Variants in AJAP1 observed in about 807,000 individuals in gnomAD.
AJAP1 encodes adherens junctions associated protein 1.
Under a neutral mutation model 35.0 loss-of-function variants are expected in AJAP1, and 5 were observed. That is an observed-to-expected ratio of 0.14 (90% CI 0.07 to 0.30). The LOEUF (loss-of-function observed/expected upper bound fraction) is 0.30, where lower values mean the gene tolerates loss of function less well. Among genes scored for constraint, AJAP1 ranks in the 10% least tolerant of loss-of-function variants. AJAP1 has a pLI of 1.00. For missense variants in AJAP1, 586 were observed against 571.0 expected, an observed-to-expected ratio of 1.03 and a Z score of -0.27; for synonymous variants, 284 against 249.3, an observed-to-expected ratio of 1.14 and a Z score of -1.31.
chr1:4,725,922 G>T (rs1309459310), intron 2 of AJAP1, among the ~76,000 whole-genome samples: 1 of 152,144 alleles, frequency 6.6e-6, no homozygotes, highest in Non-Finnish European at 1.5e-5. Context: ...TTCTTTAAAG[G>T]CTCTATCTCC....
chr1:4,771,070 G>A (rs395508), intron 3 of AJAP1, among the ~76,000 whole-genome samples: 109,395 of 151,704 alleles, frequency 0.72, 40,051 homozygotes, highest in Non-Finnish European at 0.78. Context: ...CATCTCCCCA[G>A]AGACAGGGGA....
At chr1:4,706,829 TC>T (rs754416837) in intron 1 of AJAP1, among the ~76,000 whole-genome samples, 37 of 152,292 alleles carry the variant, frequency 2.4e-4, no homozygotes, top group South Asian at 2.1e-3. Context: ...AAACTGTTCT[TC>T]GGGAAAAAAG....
At position 4,783,100 on chromosome 1, in the gene AJAP1, A is replaced by T. The variant is rs1262499637; in HGVS notation, c.*615A>T. On this transcript the variant is annotated 3_prime_UTR_variant, in exon 6 of 6. Transcript: ENST00000378191. ...TGAAGATCTTAAATGTTCCTTTTTA[A>T]AAAAAAGAATTGTGTTATAGGTTAC... 1 of 349,518 alleles carries T rather than the reference A, an allele frequency of 2.9e-6. No individual in the cohort carries two copies. 21.7% of individuals were successfully genotyped at this position (349,518 alleles called of 1,614,324 possible).
intron 1 of AJAP1, among the ~76,000 whole-genome samples, chr1:4,662,343 G>A (rs1479937324): frequency 1.3e-5 from 2 of 152,174 alleles, no homozygotes; most frequent in Non-Finnish European, 2.9e-5. Context: ...CCTCCAGCAT[G>A]TGGTCATCCT....
At chr1:4,657,307 C>G (rs893406503) in intron 1 of AJAP1, among the ~76,000 whole-genome samples, 1 of 152,052 alleles carries the variant, frequency 6.6e-6, no homozygotes, top group Non-Finnish European at 1.5e-5. Flanking sequence ...TTTCGTTTTT[C>G]CCCCCTCGAT....
intron 1 of AJAP1, among the ~76,000 whole-genome samples, chr1:4,688,389 C>T (rs1307769315): frequency 1.3e-5 from 2 of 152,116 alleles, no homozygotes; most frequent in East Asian, 3.9e-4. Flanking sequence ...CATTCAAACA[C>T]GGTCTTATGT....
chr1:4,771,121 A>T (rs1641824418), intron 3 of AJAP1, among the ~76,000 whole-genome samples: 1 of 152,170 alleles, frequency 6.6e-6, no homozygotes, highest in African/African-American at 2.4e-5. Flanking sequence ...ACAAGCCTTC[A>T]TCTTGCTTTT....
chr1:4,781,898 C>G (rs1256150647), intron 5 of AJAP1, among the ~76,000 whole-genome samples: 7 of 152,188 alleles, frequency 4.6e-5, no homozygotes, highest in Non-Finnish European at 7.3e-5. Context: ...CTCAGCCTGC[C>G]CGCTGAAGGT....
rs1028301131 is a variant in AJAP1 at position 4,741,244 on chromosome 1, A to G, written c.829+28545A>G. Among the ~76,000 whole-genome samples, 7 of 152,312 alleles carry G rather than the reference A, an allele frequency of 4.6e-5. 1 individual carries two copies. The Middle Eastern group carries it at 0.014, about 296-fold the overall frequency. ...CCTGGAGCTGCCGCAAGGAAGGACC[A>G]CAGACCAGGTGACCTAACCCAGTAG... is the stretch of plus-strand genomic sequence containing the variant. On this transcript the variant is annotated intron_variant, in intron 2 of 5. Transcript: ENST00000378191.
chr1:4,698,091 T>C (rs1639907354), intron 1 of AJAP1, among the ~76,000 whole-genome samples: 1 of 152,192 alleles, frequency 6.6e-6, no homozygotes, highest in African/African-American at 2.4e-5. Context: ...ATGGGAACTT[T>C]CTATAGCTGA....
intron 2 of AJAP1, among the ~76,000 whole-genome samples, chr1:4,745,240 C>T (rs1009939678): frequency 1.3e-5 from 2 of 152,176 alleles, no homozygotes; most frequent in Admixed American, 6.5e-5. Flanking sequence ...CGACAATTTC[C>T]TAAATGAGTT....
intron 1 of AJAP1, among the ~76,000 whole-genome samples, chr1:4,680,522 G>A (rs1013110973): frequency 7.2e-5 from 11 of 152,126 alleles, no homozygotes; most frequent in Non-Finnish European, 1.5e-5. Flanking sequence ...TGGGTCAGCC[G>A]GCTTTCTTTC....
intron 1 of AJAP1, among the ~76,000 whole-genome samples, chr1:4,703,198 C>T (rs1050002447): frequency 6.6e-6 from 1 of 152,214 alleles, no homozygotes; most frequent in Non-Finnish European, 1.5e-5. Flanking sequence ...CTGGGAATGC[C>T]GCGAAAGTGA....
At chr1:4,710,085 C>A (rs1320475182) in intron 1 of AJAP1, among the ~76,000 whole-genome samples, 1 of 152,060 alleles carries the variant, frequency 6.6e-6, no homozygotes, top group Non-Finnish European at 1.5e-5. Flanking sequence ...CTCACACAGA[C>A]ACTCACAGAT....
intron 5 of AJAP1, among the ~76,000 whole-genome samples, chr1:4,779,203 C>G (rs115917571): frequency 0.027 from 4,147 of 152,188 alleles, 163 homozygotes; most frequent in African/African-American, 0.086. Flanking sequence ...AGATTTGCAA[C>G]TTGAAATCAG....
At chr1:4,748,312 C>T (rs1641239446) in intron 2 of AJAP1, among the ~76,000 whole-genome samples, 1 of 152,194 alleles carries the variant, frequency 6.6e-6, no homozygotes, top group Non-Finnish European at 1.5e-5. Context: ...GGGTGTGTTA[C>T]ATGCATGATC....
At position 4,712,268 on chromosome 1, in the gene AJAP1, C is replaced by A; in HGVS notation, c.398C>A (p.Ser133Ter). Residue 133 changes from serine to a stop codon, truncating the protein, a stop_gained, in exon 2 of 6, where the codon TCG becomes TAG. Coordinates refer to ENST00000378191, the MANE Select transcript of AJAP1 (RefSeq NM_018836.4). LOFTEE classifies it high-confidence loss of function. Reference protein sequence around the residue: ...AAKSSPSLASSSSSSSSAVAG... With the variant: ...AAKSSPSLAS ...AAATCCAGCCCTTCCCTCGCCTCTT[C>A]GTCCTCGTCCTCGTCCTCCGCGGTG... The A allele has an allele frequency of 6.6e-7, 1 of 1,508,312 alleles. No individual in the cohort carries two copies. 93.4% of individuals were successfully genotyped at this position (1,508,312 alleles called of 1,614,324 possible).
rs1220522281 is a variant in AJAP1 at position 4,692,681 on chromosome 1, A to G, written c.30-19219A>G. On this transcript the variant is annotated intron_variant, in intron 1 of 5. Coordinates refer to ENST00000378191, the MANE Select transcript of AJAP1 (RefSeq NM_018836.4). This position sits in a 1 kb window ranked among gnomAD's most constrained non-coding sequence, Gnocchi z 4.4. Reference sequence around the variant, plus strand: ...AACTCCTACTTGGCATTGGAGACCCATCACTTCCTCCAAGCAGCCTTCCAG... The same window carrying G: ...AACTCCTACTTGGCATTGGAGACCCGTCACTTCCTCCAAGCAGCCTTCCAG... 2.4e-4 allele frequency among the ~76,000 whole-genome samples: 36 copies of G among 152,184 alleles called. No individual in the cohort carries two copies. Among genetic ancestry groups the G allele is most frequent in the Non-Finnish European group, 1.5e-5 (1 of 68,040 alleles).
chr1:4,681,901 T>G (rs913378340), intron 1 of AJAP1, among the ~76,000 whole-genome samples: 2 of 152,202 alleles, frequency 1.3e-5, no homozygotes, highest in Non-Finnish European at 2.9e-5. Flanking sequence ...TGGGAAAGCT[T>G]CTCTGGAGCC....
Sources: allele counts gnomAD v4.1 joint callset (sites outside exome capture counted in the v4.1 genomes callset), GRCh38; gene constraint gnomAD v4.1.1; non-coding constraint Gnocchi (gnomAD v3.1); transcripts MANE v1.5; gene names NCBI Gene and HGNC (gene_info 2026-07-23, HGNC 2026-07-21).